KANSL2: variants seen among roughly 807,000 people sequenced by gnomAD.
KANSL2 encodes NSL complex protein NSL2.
In KANSL2, 34 loss-of-function variants were observed where a neutral mutation model predicts 55.6. The ratio of observed to expected loss-of-function variants is 0.61; its 90% CI spans 0.46 to 0.81. The LOEUF is 0.81. Ranked by LOEUF, KANSL2 falls within the 40% of genes least tolerant of loss-of-function variation. The probability of loss-of-function intolerance (pLI) is 0.00; values close to 1 mark genes in which losing one functional copy is unlikely to be tolerated. For synonymous variants in KANSL2, 209 were observed against 214.3 expected, an observed-to-expected ratio of 0.98 and a Z score of 0.22; for missense variants, 502 against 609.9, an observed-to-expected ratio of 0.82 and a Z score of 1.86.
At chr12:48,673,087 G>T (rs1939757014) in intron 4 of KANSL2, among the ~76,000 whole-genome samples, 1 of 151,986 alleles carries the variant, frequency 6.6e-6, no homozygotes, top group Non-Finnish European at 1.5e-5. Flanking sequence ...AAAAATATAG[G>T]CCTATATTGG....
intron 8 of KANSL2, among the ~76,000 whole-genome samples, chr12:48,655,483 C>A (rs1484756254): frequency 6.6e-6 from 1 of 151,962 alleles, no homozygotes. Context: ...GTGGGAGGAT[C>A]CCTCAAGCTT....
chr12:48,654,147 C>T lies in KANSL2; in HGVS notation c.1376G>A (p.Cys459Tyr). ...AGAATTTCGAGATCCCTGGGATCTGCACCCATCTCCAGCCATCTGCATCTG... is the reference window on the plus strand; with the variant it reads ...AGAATTTCGAGATCCCTGGGATCTGTACCCATCTCCAGCCATCTGCATCTG... ...LGQMQMAGDG[C>Y]RSQGSRNSEK... The change falls in exon 10 of 10, where the codon TGC (cysteine) becomes TAC (tyrosine). Residue 459 changes from cysteine (C) to tyrosine (Y), a missense_variant. Coordinates refer to ENST00000420613, the MANE Select transcript of KANSL2 (RefSeq NM_017822.4). 6.2e-7 allele frequency: 1 copy of T among 1,610,772 alleles called. No individual in the cohort carries two copies. Among genetic ancestry groups the T allele is most frequent in the Non-Finnish European group, 8.5e-7 (1 of 1,178,940 alleles).
chr12:48,665,787 G>A (rs1314928777), intron 7 of KANSL2, among the ~76,000 whole-genome samples: 1 of 152,160 alleles, frequency 6.6e-6, no homozygotes. Context: ...GAGACATTAT[G>A]ATGGTTCAAA....
At position 48,682,201 on chromosome 12, in the gene KANSL2, T is replaced by TCTGCC; in HGVS notation, c.-25_-24insGGCAG. On this transcript the variant is annotated 5_prime_UTR_variant, in exon 1 of 10. Transcript: ENST00000420613. ...CGCCATCTTACCTCAGGAGCTGCGC[T>TCTGCC]GCGCCGCACTCTGCCGCGCCGCTCG... is the stretch of plus-strand genomic sequence containing the variant. The TCTGCC allele has an allele frequency of 1.5e-6, 1 of 669,712 alleles. No homozygotes were observed. Among genetic ancestry groups the TCTGCC allele is most frequent in the Non-Finnish European group, 2.7e-6 (1 of 367,986 alleles). The allele number at this position is 669,712 out of a possible 1,614,324, so 41.5% of individuals were successfully genotyped here.
At position 48,678,766 on chromosome 12, in the gene KANSL2, A is replaced by G. The variant is rs553092626; in HGVS notation, c.545+270T>C. 8.6e-4 allele frequency among the ~76,000 whole-genome samples: 131 copies of G among 152,200 alleles called. 2 individuals carry two copies. The highest frequency in any genetic ancestry group is 2.9e-3 in the African/African-American group (119 of 41,524). ...TTCTCAATCCACCTCCCACACTCCC[A>G]TGTCTAAATTTCCTGTTTTCTCCCC... On this transcript the variant is annotated intron_variant, in intron 4 of 9. Coordinates refer to ENST00000420613, the MANE Select transcript of KANSL2 (RefSeq NM_017822.4).
At chr12:48,680,084 G>T in intron 2 of KANSL2, 1 of 423,258 alleles carries the variant, frequency 2.4e-6, no homozygotes, top group Non-Finnish European at 4.4e-6. Flanking sequence ...GCAAGGGATT[G>T]GGTCTTGCTC....
chr12:48,664,406 A>G (rs1182820123), intron 7 of KANSL2, among the ~76,000 whole-genome samples: 2 of 150,732 alleles, frequency 1.3e-5, no homozygotes, highest in Non-Finnish European at 2.9e-5. Context: ...CAGCCTCTTC[A>G]GTAGCTGGGA....
intron 8 of KANSL2, among the ~76,000 whole-genome samples, chr12:48,659,996 A>AAATG (rs1939458949): frequency 6.6e-6 from 1 of 152,228 alleles, no homozygotes; most frequent in African/African-American, 2.4e-5. Flanking sequence ...GGGGAGAAGA[A>AAATG]AATGAAGAGT....
At position 48,660,650 on chromosome 12, in the gene KANSL2, A is replaced by G. The variant is rs183564434; in HGVS notation, c.974-31T>C. 6 of 1,597,398 alleles carry G rather than the reference A, an allele frequency of 3.8e-6. 1 individual carries two copies. In the African/African-American group the frequency reaches 4.0e-5, roughly 11 times the overall value. ...GAAAAATGGTCAAGGGAAATAAAAC[A>G]CAATCTATCGAAAGCATAAAATACA... On this transcript the variant is annotated intron_variant, in intron 7 of 9. Coordinates refer to ENST00000420613, the MANE Select transcript of KANSL2 (RefSeq NM_017822.4).
intron 6 of KANSL2, among the ~76,000 whole-genome samples, chr12:48,668,895 G>A (rs984470531): frequency 1.3e-5 from 2 of 151,954 alleles, no homozygotes; most frequent in Non-Finnish European, 2.9e-5. Flanking sequence ...TTAGCTGGGC[G>A]CATGGTGGTG....
rs370961485 is a variant in KANSL2 at position 48,667,475 on chromosome 12, A to C, written c.973+218T>G. 4 of 678,860 alleles carry C rather than the reference A, an allele frequency of 5.9e-6. No homozygotes were observed. In the African/African-American group the frequency reaches 7.1e-5, roughly 12 times the overall value. The allele number at this position is 678,860 out of a possible 1,614,324, so 42.1% of individuals were successfully genotyped here. ...AAACGACTCATGTTTCTTTCTAATG[A>C]ATTGACCATTACATTTCCAAAGTTA... On this transcript the variant is annotated intron_variant, in intron 7 of 9. Coordinates refer to ENST00000420613, the MANE Select transcript of KANSL2 (RefSeq NM_017822.4).
At chr12:48,660,289 G>A in intron 8 of KANSL2, 77 bp downstream of exon 8, 1 of 1,502,988 alleles carries the variant, frequency 6.7e-7, no homozygotes, top group South Asian at 1.2e-5. Flanking sequence ...TAACCACAAA[G>A]ACTAACCTAT....
rs370558340 is a variant in KANSL2, at chr12:48,679,025, T to C, written c.545+11A>G. 2.5e-6 allele frequency: 4 copies of C among 1,584,068 alleles called. No individual in the cohort carries two copies. The highest frequency in any genetic ancestry group is 1.3e-5 in the African/African-American group (1 of 74,326). On this transcript the variant is annotated intron_variant, in intron 4 of 9. Transcript: ENST00000420613. ...TACATTTCAAATGCCTTATGTGGAG[T>C]TACAACTTACTTTAGGGGATCTTCT...
chr12:48,669,975 G>A (rs1464672010), intron 5 of KANSL2, among the ~76,000 whole-genome samples: 1 of 151,800 alleles, frequency 6.6e-6, no homozygotes, highest in Non-Finnish European at 1.5e-5. Context: ...GCCCAAGGCG[G>A]GCAGATCACC....
intron 2 of KANSL2, among the ~76,000 whole-genome samples, chr12:48,680,512 A>G (rs1035272418): frequency 1.1e-4 from 16 of 152,192 alleles, no homozygotes; most frequent in Non-Finnish European, 1.5e-4. Flanking sequence ...TTTTAAAACT[A>G]TAAGATACGT....
rs879020651 is a variant in KANSL2 at position 48,678,949 on chromosome 12, C to T, written c.545+87G>A. 3 of 919,552 alleles carry T rather than the reference C, an allele frequency of 3.3e-6. No homozygotes were observed. The South Asian group carries it at 4.4e-5, about 14-fold the overall frequency. 57.0% of individuals were successfully genotyped at this position (919,552 alleles called of 1,614,324 possible). A position where few individuals can be genotyped will look rare whatever the true frequency, so the allele number is the denominator to read the frequency against. On this transcript the variant is annotated intron_variant, in intron 4 of 9. Transcript: ENST00000420613. Reference sequence around the variant, plus strand: ...TGACAAATAGCTGTCTTCAACCCTCCTAGGTTACTAATTTATTAACAGCAT... The same window carrying T: ...TGACAAATAGCTGTCTTCAACCCTCTTAGGTTACTAATTTATTAACAGCAT...
chr12:48,666,312 G>A (rs1939598071), intron 7 of KANSL2, among the ~76,000 whole-genome samples: 1 of 152,006 alleles, frequency 6.6e-6, no homozygotes, highest in South Asian at 2.1e-4. Context: ...AGCATTTGGG[G>A]AGGAAAGGAC....
intron 4 of KANSL2, among the ~76,000 whole-genome samples, chr12:48,675,069 A>C (rs1939795711): frequency 6.6e-6 from 1 of 151,550 alleles, no homozygotes; most frequent in African/African-American, 2.4e-5. Flanking sequence ...AAAAGCTAAC[A>C]GACTATCAGA....
At position 48,653,530 on chromosome 12, in the gene KANSL2, A is replaced by T. The variant is rs1197393429; in HGVS notation, c.*514T>A. On this transcript the variant is annotated 3_prime_UTR_variant, in exon 10 of 10. Coordinates refer to ENST00000420613, the MANE Select transcript of KANSL2 (RefSeq NM_017822.4). ...ACCACAGAAATTTACATAGGTTAAA[A>T]GCAAGACGGATAAGGAGGACCCAGT... 1 of 152,818 alleles carries T rather than the reference A, an allele frequency of 6.5e-6. No individual in the cohort carries two copies. Among genetic ancestry groups the T allele is most frequent in the Non-Finnish European group, 1.5e-5 (1 of 68,132 alleles). The allele number at this position is 152,818 out of a possible 1,614,324, so 9.5% of individuals were successfully genotyped here.
Sources: gnomAD v4.1 joint callset for allele counts (sites outside exome capture counted in the v4.1 genomes callset) on GRCh38, gnomAD v4.1.1 for gene constraint, MANE v1.5 for transcripts, NCBI Gene and HGNC (gene_info 2026-07-23, HGNC 2026-07-21) for gene names.